OR3A2: variants seen among roughly 807,000 people sequenced by gnomAD.
OR3A2 encodes olfactory receptor family 3 subfamily A member 2.
For synonymous variants in OR3A2, 126 were observed against 159.3 expected (o/e 0.79, Z 1.57); for missense variants, 318 against 392.8 (o/e 0.81, Z 1.61).
intron 3 of OR3A2, among the ~76,000 whole-genome samples, chr17:3,307,224 T>C (rs1028498813): frequency 6.6e-6 from 1 of 152,234 alleles, no homozygotes; most frequent in Admixed American, 6.5e-5. Context: ...GCAATGAGTC[T>C]TCAAGGAGGA....
At chr17:3,287,822 TTA>T (rs938418763), upstream of OR3A2, among the ~76,000 whole-genome samples, 17 of 151,728 alleles carry the variant, frequency 1.1e-4, no homozygotes, top group South Asian at 4.2e-4. Context: ...TGTTTTTCTA[TTA>T]TATATATATA....
chr17:3,378,635 C>A (rs1414618460), intron 2 of OR3A2, among the ~76,000 whole-genome samples: 1 of 152,122 alleles, frequency 6.6e-6, no homozygotes, highest in African/African-American at 2.4e-5. Context: ...CCTGGCCGCA[C>A]CTCCCCTGCT....
At chr17:3,349,775 C>T (rs372782089) in intron 2 of OR3A2, among the ~76,000 whole-genome samples, 1 of 151,604 alleles carries the variant, frequency 6.6e-6, no homozygotes, top group South Asian at 2.1e-4. Flanking sequence ...TGACCACATA[C>T]TTGGAAGTAA....
exon 2 of OR3A2, chr17:3,278,516 G>A: frequency 6.2e-7 from 1 of 1,613,922 alleles, no homozygotes; most frequent in Non-Finnish European, 8.5e-7. Context: ...GGGTGCTGTA[G>A]GTGAGGGGCT....
chr17:3,310,345 T>A (rs781581203), intron 3 of OR3A2: 1 of 534,714 alleles, frequency 1.9e-6, no homozygotes, highest in Non-Finnish European at 3.8e-6. Flanking sequence ...GATTCAGTTG[T>A]GACCAAGTTT....
At chr17:3,280,921 TCTCA>T (rs1439937433) in intron 1 of OR3A2, among the ~76,000 whole-genome samples, 2 of 152,130 alleles carry the variant, frequency 1.3e-5, no homozygotes, top group Non-Finnish European at 2.9e-5. Context: ...TCTTAACTGG[TCTCA>T]CTAAGATCTG....
At chr17:3,324,895 T>G (rs748622487) in intron 3 of OR3A2, among the ~76,000 whole-genome samples, 2 of 152,096 alleles carry the variant, frequency 1.3e-5, no homozygotes, top group Non-Finnish European at 2.9e-5. Flanking sequence ...GTATTTGTCA[T>G]AGATGCTGCA....
At chr17:3,292,669 C>G (rs1597322880) in intron 3 of OR3A2, 1 of 1,221,346 alleles carries the variant, frequency 8.2e-7, no homozygotes, top group East Asian at 2.5e-5. Context: ...AGACCCCCTT[C>G]TACTTGCCCG....
intron 3 of OR3A2, among the ~76,000 whole-genome samples, chr17:3,322,468 C>T (rs1251842486): frequency 2.0e-4 from 30 of 152,056 alleles, no homozygotes; most frequent in East Asian, 3.9e-4. Context: ...GATGTTAGGG[C>T]ATCAATTTTA....
chr17:3,277,879 A>G, exon 2 of OR3A2: 1 of 1,383,442 alleles, frequency 7.2e-7, no homozygotes, highest in Non-Finnish European at 9.8e-7. Flanking sequence ...GATAGGAAAA[A>G]TAGTTGTGGC....
intron 3 of OR3A2, among the ~76,000 whole-genome samples, chr17:3,319,246 G>C (rs2049100114): frequency 1.3e-5 from 2 of 152,144 alleles, no homozygotes; most frequent in Admixed American, 1.3e-4. Flanking sequence ...GGGTTATTGA[G>C]TCTGAGGGAT....
At chr17:3,353,512 T>A (rs1386701288) in intron 2 of OR3A2, among the ~76,000 whole-genome samples, 4 of 151,866 alleles carry the variant, frequency 2.6e-5, no homozygotes, top group African/African-American at 4.8e-5. Flanking sequence ...GTCATATACA[T>A]GGCTTTCATT....
At chr17:3,371,226 G>A (rs2049614597) in intron 2 of OR3A2, among the ~76,000 whole-genome samples, 1 of 151,792 alleles carries the variant, frequency 6.6e-6, no homozygotes, top group Non-Finnish European at 1.5e-5. Context: ...CCCGGGTGGG[G>A]CGGCTGGCCA....
intron 3 of OR3A2, among the ~76,000 whole-genome samples, chr17:3,330,131 A>C (rs1490987498): frequency 6.7e-6 from 1 of 148,602 alleles, no homozygotes; most frequent in African/African-American, 2.6e-5. Flanking sequence ...TTTACTTCCA[A>C]GTATGTGGTC....
At chr17:3,379,871 T>C (rs2049718176) in intron 2 of OR3A2, among the ~76,000 whole-genome samples, 2 of 152,162 alleles carry the variant, frequency 1.3e-5, no homozygotes, top group Non-Finnish European at 1.5e-5. Context: ...GAGAGGCATC[T>C]ACCTCAGTTC....
intron 3 of OR3A2, among the ~76,000 whole-genome samples, chr17:3,296,151 A>T (rs777312716): frequency 2.0e-5 from 3 of 152,152 alleles, no homozygotes; most frequent in Admixed American, 1.3e-4. Flanking sequence ...CAAATAATAC[A>T]AACAATGATA....
intron 2 of OR3A2, among the ~76,000 whole-genome samples, chr17:3,372,280 G>C (rs1460625740): frequency 6.7e-6 from 1 of 148,894 alleles, no homozygotes; most frequent in Non-Finnish European, 1.5e-5. Context: ...GCCGGGAAGA[G>C]GCACTCCTCA....
intron 3 of OR3A2, among the ~76,000 whole-genome samples, chr17:3,314,288 G>T (rs912830506): frequency 5.9e-5 from 9 of 152,198 alleles, no homozygotes; most frequent in African/African-American, 2.2e-4. Flanking sequence ...AATAATAAAT[G>T]AGTGATCACA....
chr17:3,381,340 C>A (rs980823652), intron 2 of OR3A2, among the ~76,000 whole-genome samples: 3 of 145,016 alleles, frequency 2.1e-5, no homozygotes, highest in Non-Finnish European at 3.0e-5. Context: ...TTTTTAAATT[C>A]TAGATCCTAA....
Sources: gnomAD v4.1 joint callset for allele counts (sites outside exome capture counted in the v4.1 genomes callset) on GRCh38, gnomAD v4.1.1 for gene constraint, MANE v1.5 for transcripts, NCBI Gene and HGNC (gene_info 2026-07-23, HGNC 2026-07-21) for gene names.